FAM135A: variants seen among roughly 807,000 people sequenced by gnomAD.
FAM135A encodes family with sequence similarity 135 member A, also known as protein FAM135A.
A neutral mutation model predicts 146.8 loss-of-function variants in FAM135A; 79 were observed. The ratio of observed to expected loss-of-function variants is 0.54; its 90% CI spans 0.45 to 0.65. The LOEUF is 0.65. FAM135A is among the 30% of genes least tolerant of loss of function. The pLI is 0.00. For missense variants in FAM135A, 1,623 were observed against 1,758.2 expected (o/e 0.92, Z 1.38); for synonymous variants, 562 against 603.6 (o/e 0.93, Z 1.01).
chr6:70,545,334 T>C (rs1798667017), intron 20 of FAM135A, among the ~76,000 whole-genome samples: 1 of 152,150 alleles, frequency 6.6e-6, no homozygotes, highest in South Asian at 2.1e-4. Flanking sequence ...ATTTTCTGGC[T>C]GGGCACGGTG....
chr6:70,527,518 G>A lies in FAM135A; in HGVS notation c.3615-774G>A, dbSNP rs16869312. On this transcript the variant is annotated intron_variant, in intron 15 of 21. Coordinates refer to ENST00000418814, the MANE Select transcript of FAM135A (RefSeq NM_001162529.3). ...CAGGGAAAATAAAGTTTATATCACC[G>A]TCTGGTTACTTCAGATTGTCTGAGT... Among the ~76,000 whole-genome samples, 649 of 152,118 alleles carry A rather than the reference G, an allele frequency of 4.3e-3. 4 individuals carry two copies. The highest frequency in any genetic ancestry group is 0.015 in the African/African-American group (607 of 41,524).
intron 12 of FAM135A, among the ~76,000 whole-genome samples, chr6:70,516,944 T>G (rs1340999701): frequency 6.6e-6 from 1 of 152,190 alleles, no homozygotes; most frequent in Non-Finnish European, 1.5e-5. Context: ...CTCTTTACAA[T>G]GATGCATTAT....
chr6:70,436,501 A>G (rs1333867546), intron 4 of FAM135A, among the ~76,000 whole-genome samples: 1 of 152,146 alleles, frequency 6.6e-6, no homozygotes, highest in Non-Finnish European at 1.5e-5. Context: ...GCTATGGTAT[A>G]GGGGTACATT....
intron 2 of FAM135A, among the ~76,000 whole-genome samples, chr6:70,421,232 T>G (rs1478768705): frequency 1.3e-5 from 2 of 152,144 alleles, no homozygotes; most frequent in African/African-American, 4.8e-5. Context: ...TAAGGTAAAA[T>G]GTAATCCCAT....
Position 70,528,280 on chromosome 6 carries a change from A to G in FAM135A, c.3615-12A>G, listed in dbSNP as rs757730660. On this transcript the variant is annotated splice_polypyrimidine_tract_variant and intron_variant, in intron 15 of 21. Transcript: ENST00000418814. ...ATCCTTAGTAAAGAGTATCTTTTGTATTTTGCTTCAGCTTCCTTCAGGCAA... is the reference window on the plus strand; with the variant it reads ...ATCCTTAGTAAAGAGTATCTTTTGTGTTTTGCTTCAGCTTCCTTCAGGCAA... 1.3e-6 allele frequency: 2 copies of G among 1,599,604 alleles called. No individual in the cohort carries two copies. The highest frequency in any genetic ancestry group is 1.3e-5 in the African/African-American group (1 of 74,368).
chr6:70,509,860 T>G (rs1207127869), intron 12 of FAM135A, among the ~76,000 whole-genome samples: 1 of 152,134 alleles, frequency 6.6e-6, no homozygotes, highest in Admixed American at 6.6e-5. Context: ...TGCAAAGTAT[T>G]AAAAACGAAG....
intron 11 of FAM135A, among the ~76,000 whole-genome samples, chr6:70,494,560 G>A (rs1786781447): frequency 6.6e-6 from 1 of 151,842 alleles, no homozygotes; most frequent in Non-Finnish European, 1.5e-5. Context: ...ATATATATAA[G>A]AGATCTTGCC....
intron 4 of FAM135A, among the ~76,000 whole-genome samples, chr6:70,431,623 G>C (rs1344971678): frequency 6.6e-6 from 1 of 152,190 alleles, no homozygotes; most frequent in Non-Finnish European, 1.5e-5. Flanking sequence ...CTTAATGGGA[G>C]TCACACTGTA....
rs180722195 is a variant in FAM135A, at chr6:70,524,168, A to C, written c.1258+47A>C. On this transcript the variant is annotated intron_variant, in intron 14 of 21. Transcript: ENST00000418814. ...TATACAAGCTATGTGTATAGTTTTC[A>C]GTATATTCTTCCTAATATACATAAA... 298 of 1,533,536 alleles carry C rather than the reference A, an allele frequency of 1.9e-4. 1 individual carries two copies. The highest frequency in any genetic ancestry group is 4.4e-5 in the Non-Finnish European group (50 of 1,130,348). 95.0% of individuals were successfully genotyped at this position (1,533,536 alleles called of 1,614,324 possible).
At chr6:70,486,387 C>A in intron 10 of FAM135A, 1 of 645,760 alleles carries the variant, frequency 1.5e-6, no homozygotes, top group Non-Finnish European at 2.5e-6. Context: ...CCTTTAAAAT[C>A]AATTTGGTTT....
At chr6:70,460,439 T>C (rs1231768505) in intron 5 of FAM135A, among the ~76,000 whole-genome samples, 6 of 152,228 alleles carry the variant, frequency 3.9e-5, no homozygotes, top group Non-Finnish European at 8.8e-5. Flanking sequence ...GTTGCTGACA[T>C]TCATATCCTG....
intron 10 of FAM135A, among the ~76,000 whole-genome samples, chr6:70,488,639 A>G (rs1582490002): frequency 6.6e-6 from 1 of 152,124 alleles, no homozygotes; most frequent in Non-Finnish European, 1.5e-5. Context: ...CTAATGGCCT[A>G]CTATTCACTG....
Position 70,475,726 on chromosome 6 carries a change from G to A in FAM135A, c.361G>A (p.Asp121Asn), listed in dbSNP as rs1247253047. ...LSLDLHFTDG[D>N]YSADDLNALQ... ...CTTGGATCTACACTTCACAGATGGA[G>A]ATTATTCGTAAGTAGCTAATCAATT... Residue 121 changes from aspartate to asparagine, a missense_variant, in exon 7 of 22, where the codon GAT becomes AAT. Asp to Asn is a conservative substitution (Grantham distance 23). Coordinates refer to ENST00000418814, the MANE Select transcript of FAM135A (RefSeq NM_001162529.3). 6.2e-7 allele frequency: 1 copy of A among 1,607,682 alleles called. No homozygotes were observed. The highest frequency in any genetic ancestry group is 1.3e-5 in the African/African-American group (1 of 74,614).
At chr6:70,438,170 A>G (rs907846563) in intron 4 of FAM135A, among the ~76,000 whole-genome samples, 1 of 152,242 alleles carries the variant, frequency 6.6e-6, no homozygotes, top group African/African-American at 2.4e-5. Context: ...CATTCTGACT[A>G]TAAAACTCAT....
At chr6:70,445,840 G>T (rs1451709696) in intron 4 of FAM135A, among the ~76,000 whole-genome samples, 1 of 152,052 alleles carries the variant, frequency 6.6e-6, no homozygotes, top group Non-Finnish European at 1.5e-5. Flanking sequence ...TTAATGGCCA[G>T]ATTCGGGGCG....
At chr6:70,513,403 T>C (rs1231585148) in intron 12 of FAM135A, 1 of 151,116 alleles carries the variant, frequency 6.6e-6, no homozygotes, top group Non-Finnish European at 1.5e-5. Flanking sequence ...TTTTTTTTTT[T>C]TTTAATCCTC....
chr6:70,506,273 C>T (rs1318028453), intron 12 of FAM135A, among the ~76,000 whole-genome samples: 3 of 152,132 alleles, frequency 2.0e-5, no homozygotes, highest in Non-Finnish European at 2.9e-5. Context: ...GAGGTGAATG[C>T]ATACCAATAA....
chr6:70,556,943 C>G (rs190214481), intron 21 of FAM135A, 80 bp downstream of exon 21: 1 of 952,526 alleles, frequency 1.0e-6, no homozygotes, highest in South Asian at 1.4e-5. Context: ...CACTTTCTCT[C>G]GTATCTGTCA....
intron 12 of FAM135A, among the ~76,000 whole-genome samples, chr6:70,516,081 A>AAGTGT (rs1792131364): frequency 6.6e-6 from 1 of 152,072 alleles, no homozygotes; most frequent in Non-Finnish European, 1.5e-5. Context: ...TGAAAAAGTC[A>AAGTGT]CTTCATGTAT....
Sources: allele counts gnomAD v4.1 joint callset (sites outside exome capture counted in the v4.1 genomes callset), GRCh38; gene constraint gnomAD v4.1.1; transcripts MANE v1.5; gene names NCBI Gene and HGNC (gene_info 2026-07-23, HGNC 2026-07-21).